MRPS28: variants seen among roughly 807,000 people sequenced by gnomAD.
The protein encoded by MRPS28 is mitochondrial ribosomal protein S28, also known as small ribosomal subunit protein bS1m.
In MRPS28, 7 loss-of-function variants were observed where a neutral mutation model predicts 10.8. The observed-to-expected ratio is 0.65, with a 90% CI of 0.37 to 1.22. The LOEUF (loss-of-function observed/expected upper bound fraction) is 1.22, where lower values mean the gene tolerates loss of function less well. Ranked by LOEUF, MRPS28 falls within the 50% of genes most tolerant of loss-of-function variation. The pLI is 0.02. For missense variants in MRPS28, 265 were observed against 232.9 expected (o/e 1.14, Z -0.90); for synonymous variants, 121 against 93.3 (o/e 1.30, Z -1.71).
At chr8:80,019,476 A>C (rs1044399506) in intron 1 of MRPS28, among the ~76,000 whole-genome samples, 1 of 151,940 alleles carries the variant, frequency 6.6e-6, no homozygotes, top group Non-Finnish European at 1.5e-5. Context: ...AACTCTCAGA[A>C]AACTAGAGAA....
intron 1 of MRPS28, among the ~76,000 whole-genome samples, chr8:80,004,744 A>G (rs1808776301): frequency 6.6e-6 from 1 of 152,220 alleles, no homozygotes; most frequent in Non-Finnish European, 1.5e-5. Flanking sequence ...TTGAAAAAAG[A>G]TTAGACAAAT....
chr8:79,930,537 C>T (rs1243863508), intron 2 of MRPS28, among the ~76,000 whole-genome samples: 3 of 152,196 alleles, frequency 2.0e-5, no homozygotes, highest in Non-Finnish European at 4.4e-5. Flanking sequence ...AGTCTGCATT[C>T]CACCACCTGC....
chr8:80,029,730 C>G, intron 1 of MRPS28: 1 of 1,442,226 alleles, frequency 6.9e-7, no homozygotes, highest in Non-Finnish European at 9.2e-7. Context: ...CGCCCTAGAT[C>G]GCCTCCCCAG....
intron 1 of MRPS28, 60 bp from the exon 2 acceptor site, chr8:80,003,240 T>C: frequency 8.1e-7 from 1 of 1,231,714 alleles, no homozygotes; most frequent in South Asian, 2.6e-5. Flanking sequence ...TAATAAAGTC[T>C]TAAAGAAATT....
rs1808670321 is a variant in MRPS28 at position 80,001,983 on chromosome 8, T to C, written c.395+1016A>G. Among the ~76,000 whole-genome samples, 3 of 152,162 alleles carry C rather than the reference T, an allele frequency of 2.0e-5. No individual in the cohort carries two copies. The South Asian group carries it at 6.2e-4, about 31-fold the overall frequency. ...TTTTTTTAATCAACTAGTTGTTAAA[T>C]ATTTACTCATATATCATTAATCTGA... On this transcript the variant is annotated intron_variant, in intron 2 of 2. Transcript: ENST00000276585.
intron 2 of MRPS28, among the ~76,000 whole-genome samples, chr8:79,989,484 TTA>T (rs1249388242): frequency 2.0e-5 from 3 of 152,146 alleles, no homozygotes; most frequent in Non-Finnish European, 2.9e-5. Context: ...TGAAAGAATT[TTA>T]GAGTCCTGAA....
At chr8:79,966,031 T>G (rs755034759) in intron 2 of MRPS28, among the ~76,000 whole-genome samples, 16 of 152,092 alleles carry the variant, frequency 1.1e-4, no homozygotes, top group South Asian at 2.1e-4. Context: ...CTTCCATATC[T>G]AGCAGTATGT....
At chr8:79,938,536 T>C (rs1383178726) in intron 2 of MRPS28, among the ~76,000 whole-genome samples, 1 of 152,072 alleles carries the variant, frequency 6.6e-6, no homozygotes, top group African/African-American at 2.4e-5. Context: ...AAAATTGAGA[T>C]ACCTTATGGT....
intron 1 of MRPS28, among the ~76,000 whole-genome samples, chr8:80,022,582 A>G (rs950749252): frequency 7.9e-5 from 12 of 152,258 alleles, no homozygotes; most frequent in Non-Finnish European, 1.3e-4. Context: ...AGTTGTCAAC[A>G]ATGGAATCTC....
intron 1 of MRPS28, among the ~76,000 whole-genome samples, chr8:80,006,702 C>A (rs908980076): frequency 3.5e-4 from 53 of 152,164 alleles, no homozygotes; most frequent in African/African-American, 1.2e-3. Context: ...ACACATACAC[C>A]CTCCCAAGAC....
intron 2 of MRPS28, among the ~76,000 whole-genome samples, chr8:79,976,580 C>CCTG (rs1418428357): frequency 1.3e-5 from 2 of 152,020 alleles, no homozygotes; most frequent in Non-Finnish European, 2.9e-5. Flanking sequence ...GTGTCATGCA[C>CCTG]CTGTAGCCCC....
intron 2 of MRPS28, among the ~76,000 whole-genome samples, chr8:79,948,012 G>A (rs774632096): frequency 1.2e-4 from 18 of 146,860 alleles, no homozygotes; most frequent in Non-Finnish European, 2.2e-4. Flanking sequence ...TTTTGAGATG[G>A]AGTCTCACTC....
chr8:79,981,358 G>C (rs1220188876), intron 2 of MRPS28, among the ~76,000 whole-genome samples: 1 of 152,020 alleles, frequency 6.6e-6, no homozygotes, highest in Non-Finnish European at 1.5e-5. Context: ...TGAAGACACA[G>C]TATTTAAAAA....
chr8:79,994,304 C>T (rs1808441518), intron 2 of MRPS28, among the ~76,000 whole-genome samples: 1 of 152,110 alleles, frequency 6.6e-6, no homozygotes, highest in African/African-American at 2.4e-5. Context: ...GAGAATGTTC[C>T]TGACTAACAC....
At chr8:79,936,943 C>A (rs1470301754) in intron 2 of MRPS28, among the ~76,000 whole-genome samples, 1 of 152,134 alleles carries the variant, frequency 6.6e-6, no homozygotes, top group Non-Finnish European at 1.5e-5. Flanking sequence ...TAACTGTAAC[C>A]TCTGCCTCCT....
chr8:79,936,238 G>A (rs915880650), intron 2 of MRPS28, among the ~76,000 whole-genome samples: 1 of 151,740 alleles, frequency 6.6e-6, no homozygotes, highest in African/African-American at 2.4e-5. Context: ...GAGGTGGGAG[G>A]ATACTTTGAG....
intron 2 of MRPS28, among the ~76,000 whole-genome samples, chr8:79,999,103 A>C (rs1408286742): frequency 6.6e-6 from 1 of 152,200 alleles, no homozygotes; most frequent in African/African-American, 2.4e-5. Context: ...AGATTATGTA[A>C]ATATTTCTCT....
At chr8:80,028,658 C>CGGGGGGGGGGGGGGGGGGGGG (rs572814570) in intron 1 of MRPS28, 1 of 6,458 alleles carries the variant, frequency 1.5e-4, no homozygotes, top group African/African-American at 4.1e-4. Flanking sequence ...GCGGGGGGGG[C>CGGGGGGGGGGGGGGGGGGGGG]GGGGCCGGGC....
chr8:79,926,699 G>A (rs1035936583), intron 2 of MRPS28, among the ~76,000 whole-genome samples: 1 of 152,228 alleles, frequency 6.6e-6, no homozygotes, highest in Non-Finnish European at 1.5e-5. Context: ...TTGGGGCAGA[G>A]GGAGGGGATA....
Sources: allele counts gnomAD v4.1 joint callset (sites outside exome capture counted in the v4.1 genomes callset), GRCh38; gene constraint gnomAD v4.1.1; transcripts MANE v1.5; gene names NCBI Gene and HGNC (gene_info 2026-07-23, HGNC 2026-07-21).